The following SCAP variants were observed in gnomAD, a reference collection of about 807,000 sequenced individuals.
The protein encoded by SCAP is sterol regulatory element-binding protein cleavage-activating protein.
Under a neutral mutation model 123.6 loss-of-function variants are expected in SCAP, and 65 were observed. That is an observed-to-expected ratio of 0.53 (90% CI 0.43 to 0.65). SCAP has a LOEUF of 0.65. Among genes scored for constraint, SCAP ranks in the 30% least tolerant of loss-of-function variants. SCAP has a pLI of 0.00. For missense variants in SCAP, 1,398 were observed against 1,712.5 expected, an observed-to-expected ratio of 0.82 and a Z score of 3.24; for synonymous variants, 740 against 726.3, an observed-to-expected ratio of 1.02 and a Z score of -0.30.
At chr3:47,422,081 A>G (rs1234729546) in intron 10 of SCAP, among the ~76,000 whole-genome samples, 1 of 152,268 alleles carries the variant, frequency 6.6e-6, no homozygotes, top group African/African-American at 2.4e-5. Context: ...CAAAAATGGG[A>G]AACAGGTGTG....
chr3:47,419,831 A>G lies in SCAP; in HGVS notation c.1564-127T>C, dbSNP rs1235208998. ...GGGATGGAGAGAGGACACAGGCCCC[A>G]CTGCGTCCTTTTCTCCTGCCTCTCC... On this transcript the variant is annotated intron_variant, in intron 12 of 22. Coordinates refer to ENST00000265565, the MANE Select transcript of SCAP (RefSeq NM_012235.4). This position sits in a 1 kb window ranked among gnomAD's most constrained non-coding sequence, Gnocchi z 5.0. 1.8e-6 allele frequency: 2 copies of G among 1,105,178 alleles called. No homozygotes were observed. Among genetic ancestry groups the G allele is most frequent in the African/African-American group, 3.2e-5 (2 of 62,870 alleles). The allele number at this position is 1,105,178 out of a possible 1,614,324, so 68.5% of individuals were successfully genotyped here. A position where few individuals can be genotyped will look rare whatever the true frequency, so the allele number is the denominator to read the frequency against.
rs1201375436 is a variant in SCAP, at chr3:47,419,159, G to A, written c.1940+169C>T. ...CCAGTGACTCCTCAGAGCAACCTGG[G>A]ACTCCTCTCTTGGGTTATAGCTGCC... On this transcript the variant is annotated intron_variant, in intron 13 of 22. Coordinates refer to ENST00000265565, the MANE Select transcript of SCAP (RefSeq NM_012235.4). This position sits in a 1 kb window ranked among gnomAD's most constrained non-coding sequence, Gnocchi z 5.0. 1.3e-5 allele frequency among the ~76,000 whole-genome samples: 2 copies of A among 152,214 alleles called. No homozygotes were observed. Among genetic ancestry groups the A allele is most frequent in the Admixed American group, 6.5e-5 (1 of 15,286 alleles).
Position 47,469,156 on chromosome 3 carries a change from T to C in SCAP, c.-99+6643A>G, listed in dbSNP as rs576240581. On this transcript the variant is annotated intron_variant, in intron 1 of 22. Coordinates refer to ENST00000265565, the MANE Select transcript of SCAP (RefSeq NM_012235.4). ...TGAGGTCAGGAGTTCAAGACCAGCC[T>C]GGCCAACATGGTGAAACCCTATCTC... Among the ~76,000 whole-genome samples, 308 of 152,320 alleles carry C rather than the reference T, an allele frequency of 2.0e-3. 3 individuals are homozygous for C. The highest frequency in any genetic ancestry group is 7.0e-3 in the African/African-American group (291 of 41,576).
chr3:47,420,715 C>A lies in SCAP; in HGVS notation c.1402G>T (p.Val468Leu). The change falls in exon 12 of 23, where the codon GTG (valine) becomes TTG (leucine). Residue 468 changes from valine (V) to leucine (L), a missense_variant. Val to Leu is a conservative substitution (Grantham distance 32). Around this residue, in one of 7 missense-constraint regions of SCAP, gnomAD observed 828 missense variants for 882.5 expected, o/e 0.94. Coordinates refer to ENST00000265565, the MANE Select transcript of SCAP (RefSeq NM_012235.4). This position sits in a 1 kb window ranked among gnomAD's most constrained non-coding sequence, Gnocchi z 5.0. Reference protein sequence around the residue: ...PEACLPSAKPVGQPTRYERQL... With the variant: ...PEACLPSAKPLGQPTRYERQL... Reference sequence around the variant, plus strand: ...CGCTCGTAGCGCGTTGGCTGTCCCACTGGCTTGGCTGAGGGCAGGCAGGCC... The same window carrying A: ...CGCTCGTAGCGCGTTGGCTGTCCCAATGGCTTGGCTGAGGGCAGGCAGGCC... 6.2e-7 allele frequency: 1 copy of A among 1,611,400 alleles called. No homozygotes were observed. Among genetic ancestry groups the A allele is most frequent in the East Asian group, 2.2e-5 (1 of 44,890 alleles).
At chr3:47,475,355 A>C (rs1280437659) in intron 1 of SCAP, 1 of 152,328 alleles carries the variant, frequency 6.6e-6, no homozygotes, top group East Asian at 1.9e-4. Context: ...CTAGAAACCA[A>C]GCAAAACCAG....
chr3:47,414,410 G>A, intron 21 of SCAP, 24 bp from the exon 22 acceptor site: 1 of 1,611,142 alleles, frequency 6.2e-7, no homozygotes, highest in Non-Finnish European at 8.5e-7. Flanking sequence ...CCAGGGGAGT[G>A]GGGTCACCAT....
At chr3:47,436,734 C>G (rs1162757357) in intron 2 of SCAP, among the ~76,000 whole-genome samples, 1 of 152,164 alleles carries the variant, frequency 6.6e-6, no homozygotes, top group African/African-American at 2.4e-5. Context: ...TAGTACAATG[C>G]ACAGATCTTA....
rs1705802477 is a variant in SCAP at position 47,419,639 on chromosome 3, G to A, written c.1629C>T (p.Leu543=). The change falls in exon 13 of 23, where the codon CTC becomes CTT. Residue 543 remains leucine, a synonymous_variant. Transcript: ENST00000265565. This position sits in a 1 kb window ranked among gnomAD's most constrained non-coding sequence, Gnocchi z 5.0. ...GGCTCTGTTCCGTCACCTGGGCAGCGAGGTAGTTGCGCAGCCCTGCTGGGT... is the reference window on the plus strand; with the variant it reads ...GGCTCTGTTCCGTCACCTGGGCAGCAAGGTAGTTGCGCAGCCCTGCTGGGT... The part of the protein sequence containing the change: ...YTDPAGLRNY[L]AAQVTEQSPL... The A allele has an allele frequency of 6.4e-6, 10 of 1,571,242 alleles. No homozygotes were observed. The highest frequency in any genetic ancestry group is 1.4e-5 in the African/African-American group (1 of 73,952).
At chr3:47,473,061 G>GCC (rs1708093647) in intron 1 of SCAP, among the ~76,000 whole-genome samples, 4 of 52,898 alleles carry the variant, frequency 7.6e-5, no homozygotes, top group Admixed American at 3.4e-4. Flanking sequence ...GCCTGGGCAA[G>GCC]AAGAGCGAAA....
intron 1 of SCAP, among the ~76,000 whole-genome samples, chr3:47,464,457 C>A (rs1576314534): frequency 6.6e-6 from 1 of 151,722 alleles, no homozygotes; most frequent in East Asian, 1.9e-4. Flanking sequence ...GATGGTTTAA[C>A]AAAAATCAAT....
Position 47,426,155 on chromosome 3 carries a change from A to C in SCAP, c.752T>G (p.Leu251Arg). The change falls in exon 7 of 23, where the codon CTG becomes CGG. Residue 251 changes from leucine (L) to arginine (R), a missense_variant. This residue lies in a region of SCAP where 319 missense variants were observed against 432.4 expected (regional missense o/e 0.74). Coordinates refer to ENST00000265565, the MANE Select transcript of SCAP (RefSeq NM_012235.4). The stretch of plus-strand genomic sequence containing the variant: ...GTGCAGAAGCATCAGGCGGGCACGC[A>C]GGCTGCCCAGGAACCTGGTCAAGGA... ...QHYHAKFLGS[L>R]RARLMLLHPS... The C allele has an allele frequency of 6.2e-7, 1 of 1,613,282 alleles. No individual in the cohort carries two copies. Among genetic ancestry groups the C allele is most frequent in the Non-Finnish European group, 8.5e-7 (1 of 1,179,740 alleles).
Position 47,420,846 on chromosome 3 carries a change from G to T in SCAP, c.1345-74C>A. ...CTCGCACAGGACCGCTGTCCTGCCC[G>T]AGGTCTACACCCTTCTCACCCAGGA... On this transcript the variant is annotated intron_variant, in intron 11 of 22. Coordinates refer to ENST00000265565, the MANE Select transcript of SCAP (RefSeq NM_012235.4). The surrounding 1 kb of genome is among the most constrained non-coding windows in gnomAD (Gnocchi z 5.0). The T allele has an allele frequency of 6.3e-7, 1 of 1,584,228 alleles. No homozygotes were observed. The highest frequency in any genetic ancestry group is 8.7e-7 in the Non-Finnish European group (1 of 1,154,912).
chr3:47,425,645 C>G, intron 7 of SCAP, 34 bp from the exon 8 acceptor site: 2 of 1,609,118 alleles, frequency 1.2e-6, no homozygotes, highest in Non-Finnish European at 1.7e-6. Flanking sequence ...AGGGCGGCCC[C>G]TCCCCCAGCC....
At chr3:47,430,386 G>A (rs769005686) in intron 3 of SCAP, among the ~76,000 whole-genome samples, 6 of 152,164 alleles carry the variant, frequency 3.9e-5, no homozygotes, top group African/African-American at 9.7e-5. Context: ...GGCATGTCGC[G>A]GAGCACCCCA....
intron 2 of SCAP, among the ~76,000 whole-genome samples, chr3:47,435,627 C>T (rs887462238): frequency 6.6e-6 from 1 of 151,938 alleles, no homozygotes; most frequent in Non-Finnish European, 1.5e-5. Context: ...CTCAGGTGAT[C>T]CACCCACCTC....
Position 47,419,696 on chromosome 3 carries a change from G to T in SCAP, c.1572C>A (p.Thr524=). 1 of 1,520,866 alleles carries T rather than the reference G, an allele frequency of 6.6e-7. No individual in the cohort carries two copies. Among genetic ancestry groups the T allele is most frequent in the Non-Finnish European group, 8.8e-7 (1 of 1,134,348 alleles). The allele number at this position is 1,520,866 out of a possible 1,614,324, so 94.2% of individuals were successfully genotyped here. A position where few individuals can be genotyped will look rare whatever the true frequency, so the allele number is the denominator to read the frequency against. Residue 524 remains threonine, a synonymous_variant, in exon 13 of 23, where the codon ACC becomes ACA. Transcript: ENST00000265565. This position sits in a 1 kb window ranked among gnomAD's most constrained non-coding sequence, Gnocchi z 5.0. ...RLAQRLIMAG[T]VVWIGILVYT... The stretch of plus-strand genomic sequence containing the variant: ...ATACCAGGATGCCAATCCAGACAAC[G>T]GTGCCAGCCTGCAGTGGGGCAGGGG...
At chr3:47,471,172 C>T (rs553203866) in intron 1 of SCAP, among the ~76,000 whole-genome samples, 1 of 152,102 alleles carries the variant, frequency 6.6e-6, no homozygotes, top group East Asian at 1.9e-4. Context: ...TATCCCCTTA[C>T]AAATTTTAGC....
chr3:47,468,871 T>C (rs1311141575), intron 1 of SCAP, among the ~76,000 whole-genome samples: 1 of 152,232 alleles, frequency 6.6e-6, no homozygotes, highest in Admixed American at 6.6e-5. Flanking sequence ...TTTAAGTCTT[T>C]AATCCATCTT....
At chr3:47,434,324 T>C (rs1706483573) in intron 3 of SCAP, among the ~76,000 whole-genome samples, 1 of 152,188 alleles carries the variant, frequency 6.6e-6, no homozygotes, top group African/African-American at 2.4e-5. Context: ...GGGCACTTTG[T>C]CCACACCTGA....
Sources: gnomAD v4.1 joint callset for allele counts (sites outside exome capture counted in the v4.1 genomes callset) on GRCh38, gnomAD v4.1.1 for gene constraint, gnomAD v4.1.1 regional missense constraint, Gnocchi (gnomAD v3.1) non-coding constraint, MANE v1.5 for transcripts, NCBI Gene and HGNC (gene_info 2026-07-23, HGNC 2026-07-21) for gene names.